The following PTPRG variants were observed in gnomAD, a reference collection of about 807,000 sequenced individuals.
PTPRG encodes receptor-type tyrosine-protein phosphatase gamma.
In PTPRG, 102 loss-of-function variants were observed where a neutral mutation model predicts 165.3. That is an observed-to-expected ratio of 0.62 (90% CI 0.53 to 0.73). PTPRG has a LOEUF of 0.73. Among genes scored for constraint, PTPRG ranks in the 30% least tolerant of loss-of-function variants. PTPRG has a pLI of 0.00. For synonymous variants in PTPRG, 675 were observed against 669.5 expected (o/e 1.01, Z -0.13); for missense variants, 1,866 against 1,861.4 (o/e 1.00, Z -0.05).
intron 1 of PTPRG, among the ~76,000 whole-genome samples, chr3:61,594,630 C>T (rs538268025): frequency 6.6e-6 from 1 of 152,268 alleles, no homozygotes; most frequent in South Asian, 2.1e-4. Context: ...TAGACTGTTA[C>T]TCATTTGGCA....
intron 1 of PTPRG, among the ~76,000 whole-genome samples, chr3:61,635,568 G>A (rs369067979): frequency 1.6e-4 from 24 of 151,968 alleles, no homozygotes; most frequent in African/African-American, 4.8e-4. Flanking sequence ...ATGTTACCTA[G>A]GCTGGTTTCA....
chr3:61,874,741 A>G (rs1017024933), intron 2 of PTPRG, among the ~76,000 whole-genome samples: 1 of 152,206 alleles, frequency 6.6e-6, no homozygotes, highest in Non-Finnish European at 1.5e-5. Context: ...AAAGCACAGG[A>G]CAGTCCTCCA....
intron 2 of PTPRG, among the ~76,000 whole-genome samples, chr3:61,921,119 CCTTCCTT>C (rs2039067682): frequency 4.3e-5 from 1 of 23,038 alleles, no homozygotes; most frequent in Non-Finnish European, 1.0e-4. Context: ...CCATCCATCT[CCTTCCTT>C]CCTTCCTTCC....
intron 2 of PTPRG, among the ~76,000 whole-genome samples, chr3:61,953,788 C>G (rs1484893745): frequency 6.6e-6 from 1 of 152,120 alleles, no homozygotes; most frequent in Non-Finnish European, 1.5e-5. Context: ...AAACAAAAAC[C>G]CTTCTGTGTA....
intron 4 of PTPRG, among the ~76,000 whole-genome samples, chr3:62,074,822 G>C (rs920958503): frequency 6.6e-6 from 1 of 152,086 alleles, no homozygotes; most frequent in Admixed American, 6.5e-5. Context: ...TTCATTTTGA[G>C]GATAAAATTG....
In PTPRG at chr3:62,219,694, C is replaced by A. The variant is rs1700604081; in HGVS notation, c.2288+711C>A. The stretch of plus-strand genomic sequence containing the variant: ...AGGCTTCTGCCCTTTATCTGACAGG[C>A]TTCACCAGTGAGAAACAGGTGTCAT... On this transcript the variant is annotated intron_variant, in intron 13 of 29. Transcript: ENST00000474889. This position sits in a 1 kb window ranked among gnomAD's most constrained non-coding sequence, Gnocchi z 4.5. Among the ~76,000 whole-genome samples, 1 of 152,316 alleles carries A rather than the reference C, an allele frequency of 6.6e-6. No individual in the cohort carries two copies. The highest frequency in any genetic ancestry group is 1.9e-4 in the East Asian group (1 of 5,172).
In PTPRG at chr3:62,115,717, TG is replaced by T. The variant is rs576078042; in HGVS notation, c.616-16884del. ...CAGTGGGACTAATTTTTGTATTTTTTGCAGAGACAAGGGTTTTCCATTTTGC... is the reference window on the plus strand; with the variant it reads ...CAGTGGGACTAATTTTTGTATTTTTTCAGAGACAAGGGTTTTCCATTTTGC... On this transcript the variant is annotated intron_variant, in intron 5 of 29. Transcript: ENST00000474889. 1.5e-3 allele frequency among the ~76,000 whole-genome samples: 224 copies of T among 152,012 alleles called. 1 individual carries two copies. Among genetic ancestry groups the T allele is most frequent in the African/African-American group, 5.2e-3 (215 of 41,472 alleles).
intron 1 of PTPRG, among the ~76,000 whole-genome samples, chr3:61,740,465 T>A (rs2032931863): frequency 1.3e-5 from 2 of 152,226 alleles, no homozygotes; most frequent in African/African-American, 4.8e-5. Context: ...ATTTTTTAAT[T>A]TCTGAAGTTT....
intron 16 of PTPRG, among the ~76,000 whole-genome samples, chr3:62,259,860 A>G (rs1701640630): frequency 6.6e-6 from 1 of 152,212 alleles, no homozygotes; most frequent in Non-Finnish European, 1.5e-5. Context: ...CAGGAAATCA[A>G]ATGGTCTTTT....
chr3:61,600,375 C>T (rs1700829892), intron 1 of PTPRG, among the ~76,000 whole-genome samples: 1 of 151,978 alleles, frequency 6.6e-6, no homozygotes, highest in South Asian at 2.1e-4. Context: ...CCAATGTTGA[C>T]ATTACACAAA....
At chr3:62,148,401 A>G (rs971612863) in intron 6 of PTPRG, among the ~76,000 whole-genome samples, 1 of 152,186 alleles carries the variant, frequency 6.6e-6, no homozygotes, top group Non-Finnish European at 1.5e-5. Context: ...ATTTTATTCT[A>G]AATGAACCAA....
chr3:62,092,091 CACACACACACACACACACACACACACA>C, intron 5 of PTPRG, among the ~76,000 whole-genome samples: 1 of 116,410 alleles, frequency 8.6e-6, no homozygotes, highest in East Asian at 2.3e-4. Flanking sequence ...CACACACACA[CACACACACACACACACACACACACACA>C]CACACACACA....
chr3:61,664,976 T>C (rs1193477549), intron 1 of PTPRG, among the ~76,000 whole-genome samples: 2 of 152,238 alleles, frequency 1.3e-5, no homozygotes, highest in African/African-American at 4.8e-5. Context: ...TTGGAACCAC[T>C]AGCAGGTGGA....
chr3:61,899,651 C>T (rs1242753921), intron 2 of PTPRG, among the ~76,000 whole-genome samples: 4 of 152,190 alleles, frequency 2.6e-5, no homozygotes, highest in Non-Finnish European at 4.4e-5. Flanking sequence ...CCTGGAGACT[C>T]ATCGGGGAAC....
At chr3:61,634,543 G>A (rs1425403763) in intron 1 of PTPRG, among the ~76,000 whole-genome samples, 1 of 151,796 alleles carries the variant, frequency 6.6e-6, no homozygotes, top group Non-Finnish European at 1.5e-5. Context: ...CCGGCTGTGT[G>A]TGTGTGTTTT....
intron 2 of PTPRG, among the ~76,000 whole-genome samples, chr3:61,895,539 A>G (rs1483201721): frequency 6.6e-6 from 1 of 152,182 alleles, no homozygotes; most frequent in Non-Finnish European, 1.5e-5. Context: ...TTGACCTTAG[A>G]AACTGAGGAG....
chr3:61,973,977 A>ATT (rs1387287545), intron 2 of PTPRG, among the ~76,000 whole-genome samples: 1 of 151,340 alleles, frequency 6.6e-6, no homozygotes, highest in Non-Finnish European at 1.5e-5. Flanking sequence ...ACTGTCAGAG[A>ATT]TTTTTTTTTC....
At chr3:61,958,380 C>A (rs571048089) in intron 2 of PTPRG, among the ~76,000 whole-genome samples, 1 of 152,272 alleles carries the variant, frequency 6.6e-6, no homozygotes, top group South Asian at 2.1e-4. Context: ...AGTTACCCAC[C>A]CACTTCAGCC....
chr3:62,169,872 G>A (rs73098506), intron 8 of PTPRG, among the ~76,000 whole-genome samples: 11,690 of 152,164 alleles, frequency 0.077, 755 homozygotes, highest in East Asian at 0.35. Context: ...TTGGCATATG[G>A]ACTTTGTAGG....
Sources: gnomAD v4.1 joint callset for allele counts (sites outside exome capture counted in the v4.1 genomes callset) on GRCh38, gnomAD v4.1.1 for gene constraint, Gnocchi (gnomAD v3.1) non-coding constraint, MANE v1.5 for transcripts, NCBI Gene and HGNC (gene_info 2026-07-23, HGNC 2026-07-21) for gene names.